The following CDK8 variants were observed in gnomAD, a reference collection of about 807,000 sequenced individuals.
CDK8 encodes the protein cyclin dependent kinase 8.
A neutral mutation model predicts 71.5 loss-of-function variants in CDK8; 29 were observed. The ratio of observed to expected loss-of-function variants is 0.41; its 90% confidence interval spans 0.30 to 0.55. The LOEUF (loss-of-function observed/expected upper bound fraction) is 0.55, where lower values mean the gene tolerates loss of function less well. CDK8 is among the 20% of genes least tolerant of loss of function. The pLI is 0.37. For synonymous variants in CDK8, 161 were observed against 192.1 expected, an observed-to-expected ratio of 0.84 and a Z score of 1.34; for missense variants, 288 against 572.6, an observed-to-expected ratio of 0.50 and a Z score of 5.07.
chr13:26,394,385 C>A (rs1227272543), intron 7 of CDK8, among the ~76,000 whole-genome samples: 1 of 152,110 alleles, frequency 6.6e-6, no homozygotes, highest in African/African-American at 2.4e-5. Flanking sequence ...AATTGGTCAC[C>A]AGTGTGGAGA....
chr13:26,397,271 T>C (rs1359391641), intron 9 of CDK8, 46 bp downstream of exon 9: 2 of 1,242,962 alleles, frequency 1.6e-6, no homozygotes, highest in Non-Finnish European at 2.3e-6. Context: ...TTTTCCTTAA[T>C]TGACTAGCCC....
At chr13:26,322,974 C>T (rs911296380) in intron 1 of CDK8, among the ~76,000 whole-genome samples, 3 of 152,010 alleles carry the variant, frequency 2.0e-5, no homozygotes, top group African/African-American at 4.8e-5. Context: ...ATTTAGATAG[C>T]GGTAGTTCCA....
At chr13:26,397,764 T>G (rs1361633391) in intron 9 of CDK8, among the ~76,000 whole-genome samples, 1 of 152,174 alleles carries the variant, frequency 6.6e-6, no homozygotes, top group Admixed American at 6.5e-5. Context: ...TAACCTAGAA[T>G]CTAATTGAAT....
chr13:26,380,657 T>A (rs958099171), intron 4 of CDK8, among the ~76,000 whole-genome samples: 45 of 152,028 alleles, frequency 3.0e-4, no homozygotes, highest in Non-Finnish European at 4.4e-4. Context: ...AAAAAAATTT[T>A]TTTTGTTGAG....
chr13:26,404,267 A>G lies in CDK8; in HGVS notation c.*186A>G. ...GGCTTCCAAGTTGTACCTATTTTGGAGTTAGACTTGAAAAGAAAGTGCTAG... is the reference window on the plus strand; with the variant it reads ...GGCTTCCAAGTTGTACCTATTTTGGGGTTAGACTTGAAAAGAAAGTGCTAG... On this transcript the variant is annotated 3_prime_UTR_variant, in exon 13 of 13. Transcript: ENST00000381527. The G allele has an allele frequency of 1.7e-6, 1 of 592,648 alleles. No individual in the cohort carries two copies. The highest frequency in any genetic ancestry group is 4.8e-4 in the Middle Eastern group (1 of 2,070). 36.7% of individuals were successfully genotyped at this position (592,648 alleles called of 1,614,324 possible).
intron 4 of CDK8, among the ~76,000 whole-genome samples, chr13:26,376,412 A>C (rs1163349787): frequency 6.6e-6 from 1 of 152,170 alleles, no homozygotes; most frequent in African/African-American, 2.4e-5. Context: ...ACTGTTATAA[A>C]ATTTTACAGC....
intron 1 of CDK8, among the ~76,000 whole-genome samples, chr13:26,329,299 AATTTT>A (rs1875177821): frequency 6.6e-6 from 1 of 151,814 alleles, no homozygotes; most frequent in Non-Finnish European, 1.5e-5. Flanking sequence ...CTTAAAGGTG[AATTTT>A]CATCATGGTC....
chr13:26,382,517 G>A (rs1260386275), intron 4 of CDK8, among the ~76,000 whole-genome samples: 1 of 152,118 alleles, frequency 6.6e-6, no homozygotes, highest in East Asian at 1.9e-4. Flanking sequence ...GAGTGAGAAG[G>A]AACCACAACA....
chr13:26,274,943 A>C (rs1340145761), intron 1 of CDK8, among the ~76,000 whole-genome samples: 2 of 152,200 alleles, frequency 1.3e-5, no homozygotes, highest in Admixed American at 6.5e-5. Flanking sequence ...GGGTTTCAAA[A>C]TTACAGTTAA....
At position 26,254,852 on chromosome 13, in the gene CDK8, C is replaced by A. The variant is rs1267876074; in HGVS notation, c.128+83C>A. ...CAGGTAGCCCGGAGGGAGAGCGGGCCGCCGGGGTGCCGGGCTCTGACTTCC... is the reference window on the plus strand; with the variant it reads ...CAGGTAGCCCGGAGGGAGAGCGGGCAGCCGGGGTGCCGGGCTCTGACTTCC... On this transcript the variant is annotated intron_variant, in intron 1 of 12. Coordinates refer to ENST00000381527, the MANE Select transcript of CDK8 (RefSeq NM_001260.3). This position sits in a 1 kb window ranked among gnomAD's most constrained non-coding sequence, Gnocchi z 6.7. 1 of 1,546,500 alleles carries A rather than the reference C, an allele frequency of 6.5e-7. No individual in the cohort carries two copies. Among genetic ancestry groups the A allele is most frequent in the South Asian group, 1.2e-5 (1 of 83,920 alleles).
chr13:26,326,357 A>G (rs529345915), intron 1 of CDK8, among the ~76,000 whole-genome samples: 51 of 152,222 alleles, frequency 3.4e-4, no homozygotes, highest in Non-Finnish European at 6.9e-4. Context: ...TGCACAAAGC[A>G]ATATTATGGG....
chr13:26,400,013 C>T (rs1876179438), intron 9 of CDK8: 1 of 198,702 alleles, frequency 5.0e-6, no homozygotes, highest in Non-Finnish European at 1.0e-5. Context: ...TGAAATGTGC[C>T]TGGTGTAATG....
chr13:26,384,515 C>G (rs531718977), intron 5 of CDK8, among the ~76,000 whole-genome samples: 2 of 152,122 alleles, frequency 1.3e-5, no homozygotes, highest in South Asian at 4.1e-4. Flanking sequence ...CAGCCATGCC[C>G]GAATAACTAC....
intron 1 of CDK8, among the ~76,000 whole-genome samples, chr13:26,281,332 G>A (rs191652839): frequency 7.0e-4 from 106 of 152,358 alleles, no homozygotes; most frequent in African/African-American, 2.5e-3. Flanking sequence ...ACATTTGCAA[G>A]TACCAGCTCA....
chr13:26,392,544 T>A (rs921751583), intron 6 of CDK8, among the ~76,000 whole-genome samples: 2 of 152,074 alleles, frequency 1.3e-5, no homozygotes, highest in African/African-American at 4.8e-5. Flanking sequence ...GCCAGGCTGG[T>A]CTTGATTTCC....
chr13:26,313,097 T>C (rs1055170853), intron 1 of CDK8, among the ~76,000 whole-genome samples: 4 of 152,242 alleles, frequency 2.6e-5, no homozygotes, highest in African/African-American at 9.6e-5. Context: ...AGATTGGTTA[T>C]TGTTTCACCT....
At chr13:26,361,497 A>G (rs752949494) in intron 4 of CDK8, among the ~76,000 whole-genome samples, 2 of 152,174 alleles carry the variant, frequency 1.3e-5, no homozygotes, top group South Asian at 2.1e-4. Flanking sequence ...TCAACCTACA[A>G]TTGGGCAAAA....
At chr13:26,306,609 G>A (rs1874052859) in intron 1 of CDK8, among the ~76,000 whole-genome samples, 1 of 146,038 alleles carries the variant, frequency 6.8e-6, no homozygotes, top group Non-Finnish European at 1.5e-5. Context: ...CCCTCCCTTT[G>A]CCCCTTATTG....
rs1377219182 is a variant in CDK8, at chr13:26,260,626, A to AT, written c.128+5858dup. On this transcript the variant is annotated intron_variant, in intron 1 of 12. Coordinates refer to ENST00000381527, the MANE Select transcript of CDK8 (RefSeq NM_001260.3). ...TGGAATTTCTCTTGTTGGGGCTCTG[A>AT]TGTGTGGAAAGATGAAAGGTAGGGA... Among the ~76,000 whole-genome samples the AT allele has an allele frequency of 2.0e-5, 3 of 152,264 alleles. No individual in the cohort carries two copies. The East Asian group carries it at 5.8e-4, about 29-fold the overall frequency.
Sources: gnomAD v4.1 joint callset for allele counts (sites outside exome capture counted in the v4.1 genomes callset) on GRCh38, gnomAD v4.1.1 for gene constraint, Gnocchi (gnomAD v3.1) non-coding constraint, MANE v1.5 for transcripts, NCBI Gene and HGNC (gene_info 2026-07-23, HGNC 2026-07-21) for gene names.